SHCBP1L: variants seen among roughly 807,000 people sequenced by gnomAD.
The protein encoded by SHCBP1L is testicular spindle-associated protein SHCBP1L.
SHCBP1L carries 67 observed loss-of-function variants against 62.5 expected under a neutral mutation model. The ratio of observed to expected loss-of-function variants is 1.07; its 90% CI spans 0.88 to 1.31. SHCBP1L has a LOEUF of 1.31. Ranked by LOEUF, SHCBP1L falls within the 40% of genes most tolerant of loss-of-function variation. The probability of loss-of-function intolerance (pLI) is 0.00; values close to 1 mark genes in which losing one functional copy is unlikely to be tolerated. For synonymous variants in SHCBP1L, 284 were observed against 289.4 expected, an observed-to-expected ratio of 0.98 and a Z score of 0.19; for missense variants, 823 against 809.8, an observed-to-expected ratio of 1.02 and a Z score of -0.20.
In SHCBP1L at chr1:182,899,929, T is replaced by C. The variant is rs1649771183; in HGVS notation, c.*54A>G. 1.4e-6 allele frequency: 2 copies of C among 1,460,222 alleles called. No homozygotes were observed. The highest frequency in any genetic ancestry group is 2.4e-5 in the East Asian group (1 of 42,212). The allele number at this position is 1,460,222 out of a possible 1,614,324, so 90.5% of individuals were successfully genotyped here. A position where few individuals can be genotyped will look rare whatever the true frequency, so the allele number is the denominator to read the frequency against. ...CTACCATTTCAGTGGGGTATGAGAA[T>C]CATGTATTAAACAAATTTGTGAAAT... On this transcript the variant is annotated 3_prime_UTR_variant, in exon 10 of 10. Transcript: ENST00000367547.
intron 9 of SHCBP1L, 33 bp from the exon 10 acceptor site, chr1:182,900,267 A>G: frequency 6.7e-7 from 1 of 1,490,708 alleles, no homozygotes; most frequent in Non-Finnish European, 9.0e-7. Flanking sequence ...TAGTTTTTCA[A>G]TGATTTTATT....
At chr1:182,916,331 T>C (rs979745370) in intron 6 of SHCBP1L, among the ~76,000 whole-genome samples, 2 of 151,754 alleles carry the variant, frequency 1.3e-5, no homozygotes, top group African/African-American at 2.4e-5. Flanking sequence ...AAAAGCAAAT[T>C]AAACCCAAAG....
At chr1:182,912,369 A>C (rs1396808123) in intron 6 of SHCBP1L, among the ~76,000 whole-genome samples, 1 of 152,236 alleles carries the variant, frequency 6.6e-6, no homozygotes, top group Non-Finnish European at 1.5e-5. Flanking sequence ...CAGTTGTCCA[A>C]AGAAACCCAA....
chr1:182,924,163 T>C (rs754300889), intron 6 of SHCBP1L, among the ~76,000 whole-genome samples: 17 of 151,874 alleles, frequency 1.1e-4, no homozygotes, highest in Non-Finnish European at 2.1e-4. Context: ...ATAAAATACC[T>C]AGGAATACAG....
intron 6 of SHCBP1L, among the ~76,000 whole-genome samples, chr1:182,909,835 A>G (rs1197795479): frequency 1.3e-5 from 2 of 152,190 alleles, no homozygotes; most frequent in Non-Finnish European, 2.9e-5. Context: ...ACCTACTGCA[A>G]TTGGCCAGAG....
In SHCBP1L at chr1:182,900,251, G is replaced by T; in HGVS notation, c.1711-17C>A. ...TGGAAGAACCTATTAAATTATTTGA[G>T]GAAATTAGTTTTTCAATGATTTTAT... On this transcript the variant is annotated splice_polypyrimidine_tract_variant and intron_variant, in intron 9 of 9. Transcript: ENST00000367547. 2.7e-6 allele frequency: 4 copies of T among 1,509,030 alleles called. No homozygotes were observed. The highest frequency in any genetic ancestry group is 1.4e-5 in the African/African-American group (1 of 70,686). The allele number at this position is 1,509,030 out of a possible 1,614,324, so 93.5% of individuals were successfully genotyped here. A position where few individuals can be genotyped will look rare whatever the true frequency, so the allele number is the denominator to read the frequency against.
In SHCBP1L at chr1:182,905,651, T is replaced by C. The variant is rs1196031701; in HGVS notation, c.1183-2A>G. 6 of 1,608,480 alleles carry C rather than the reference T, an allele frequency of 3.7e-6. No individual in the cohort carries two copies. The African/African-American group carries it at 5.4e-5, about 14-fold the overall frequency. On this transcript the variant is annotated splice_acceptor_variant, in intron 6 of 9. Transcript: ENST00000367547. LOFTEE classifies it high-confidence loss of function. The stretch of plus-strand genomic sequence containing the variant: ...TGTGTCTGAAGATAAATCCTTTATC[T>C]AAAAAGAAATAAAACACTTGCGCTT...
intron 5 of SHCBP1L, among the ~76,000 whole-genome samples, chr1:182,932,856 C>T (rs1054293492): frequency 2.6e-5 from 4 of 152,028 alleles, no homozygotes; most frequent in African/African-American, 9.7e-5. Flanking sequence ...GCTTTTTTCA[C>T]TCAGCCTATT....
chr1:182,923,901 G>A lies in SHCBP1L; in HGVS notation c.1182+5746C>T, dbSNP rs1650594394. 2.0e-5 allele frequency among the ~76,000 whole-genome samples: 3 copies of A among 152,152 alleles called. No homozygotes were observed. The South Asian group carries it at 6.2e-4, about 32-fold the overall frequency. ...TCCTAGCCAGAGCAATCAGGCAAAA[G>A]ACAGAAATAAAAGGCATCCAAATAG... On this transcript the variant is annotated intron_variant, in intron 6 of 9. Coordinates refer to ENST00000367547, the MANE Select transcript of SHCBP1L (RefSeq NM_030933.4).
At chr1:182,904,535 G>A (rs1317030508) in intron 7 of SHCBP1L, 105 bp from the exon 8 acceptor site, 3 of 33,570 alleles carry the variant, frequency 8.9e-5, no homozygotes, top group Non-Finnish European at 1.8e-4. Flanking sequence ...CCCTGTGTGC[G>A]TGTGTGTGTG....
In SHCBP1L at chr1:182,939,570, T is replaced by C; in HGVS notation, c.771-17A>G. ...TAAAAAAACCTACGATAAACCAAAT[T>C]AAGATGACAGTAATCAAAAACAGCC... On this transcript the variant is annotated splice_polypyrimidine_tract_variant and intron_variant, in intron 3 of 9. Coordinates refer to ENST00000367547, the MANE Select transcript of SHCBP1L (RefSeq NM_030933.4). 6.4e-7 allele frequency: 1 copy of C among 1,565,038 alleles called. No individual in the cohort carries two copies. The highest frequency in any genetic ancestry group is 8.7e-7 in the Non-Finnish European group (1 of 1,155,430).
At chr1:182,943,675 C>T (rs1217208146) in intron 2 of SHCBP1L, among the ~76,000 whole-genome samples, 1 of 150,284 alleles carries the variant, frequency 6.7e-6, no homozygotes, top group Non-Finnish European at 1.5e-5. Context: ...CTCAAACTCT[C>T]GACCTCAGAT....
At chr1:182,935,703 G>A (rs1255204798) in intron 5 of SHCBP1L, among the ~76,000 whole-genome samples, 1 of 152,102 alleles carries the variant, frequency 6.6e-6, no homozygotes, top group Non-Finnish European at 1.5e-5. Context: ...AATAGGAATG[G>A]TAAGGAATTG....
At chr1:182,931,284 T>C (rs980042736) in intron 5 of SHCBP1L, among the ~76,000 whole-genome samples, 7 of 152,044 alleles carry the variant, frequency 4.6e-5, no homozygotes. Context: ...AATTAGCTGC[T>C]CCAAAAGTAA....
chr1:182,905,787 A>G, intron 6 of SHCBP1L, 138 bp from the exon 7 acceptor site: 2 of 743,662 alleles, frequency 2.7e-6, no homozygotes, highest in South Asian at 3.9e-5. Flanking sequence ...TAAATGCTCA[A>G]AGTATCAGTT....
intron 6 of SHCBP1L, among the ~76,000 whole-genome samples, chr1:182,921,778 G>A (rs1055799345): frequency 1.3e-5 from 2 of 152,068 alleles, no homozygotes; most frequent in East Asian, 1.9e-4. Context: ...CGGTGGCAAC[G>A]TGCCTGTGAT....
At position 182,951,451 on chromosome 1, in the gene SHCBP1L, T is replaced by A. The variant is rs368562982; in HGVS notation, c.422A>T (p.Glu141Val). The A allele has an allele frequency of 9.5e-6, 15 of 1,583,868 alleles. No individual in the cohort carries two copies. The highest frequency in any genetic ancestry group is 1.3e-5 in the Non-Finnish European group (15 of 1,166,304). ...LQDCKAEDAD[E>V]VMGKYLSEKL... ...TTCTGATAGGTATTTACCCATAACT[T>A]CATCAGCATCTTCTGCCTAACAAGA... Residue 141 changes from glutamate to valine, a missense_variant, in exon 2 of 10, where the codon GAA becomes GTA. Physicochemically the swap from Glu to Val is moderately radical, Grantham distance 121. Transcript: ENST00000367547.
At chr1:182,922,631 G>A (rs2101934178) in intron 6 of SHCBP1L, among the ~76,000 whole-genome samples, 1 of 151,308 alleles carries the variant, frequency 6.6e-6, no homozygotes, top group East Asian at 1.9e-4. Flanking sequence ...TAAGCAATCT[G>A]CTCCTGAATG....
intron 6 of SHCBP1L, among the ~76,000 whole-genome samples, chr1:182,913,579 C>T (rs1455439695): frequency 1.2e-4 from 18 of 152,046 alleles, no homozygotes; most frequent in Non-Finnish European, 2.6e-4. Context: ...CGAAAACATC[C>T]CAAATTTCAT....
Sources: gnomAD v4.1 joint callset for allele counts (sites outside exome capture counted in the v4.1 genomes callset) on GRCh38, gnomAD v4.1.1 for gene constraint, MANE v1.5 for transcripts, NCBI Gene and HGNC (gene_info 2026-07-23, HGNC 2026-07-21) for gene names.